The following AKAP13 variants were observed in gnomAD, a reference collection of about 807,000 sequenced individuals.
The protein encoded by AKAP13 is A-kinase anchor protein 13.
A neutral mutation model predicts 264.5 loss-of-function variants in AKAP13; 80 were observed. The observed-to-expected ratio is 0.30, with a 90% CI of 0.25 to 0.36. AKAP13 has a LOEUF of 0.36. AKAP13 is among the 10% of genes least tolerant of loss of function. AKAP13 has a pLI of 1.00. For synonymous variants in AKAP13, 1,380 were observed against 1,250.2 expected, an observed-to-expected ratio of 1.10 and a Z score of -2.19; for missense variants, 3,712 against 3,435.2, an observed-to-expected ratio of 1.08 and a Z score of -2.01.
chr15:85,562,904 G>C (rs1596538622), intron 5 of AKAP13, among the ~76,000 whole-genome samples: 2 of 148,970 alleles, frequency 1.3e-5, no homozygotes, highest in East Asian at 4.0e-4. Context: ...AGTAGAGATA[G>C]GGTTTCACCA....
intron 1 of AKAP13, among the ~76,000 whole-genome samples, chr15:85,398,297 T>G (rs1212490655): frequency 6.6e-6 from 1 of 152,222 alleles, no homozygotes; most frequent in Non-Finnish European, 1.5e-5. Context: ...TTAATAAGTC[T>G]TATTTTTATT....
At chr15:85,460,917 C>G (rs1213627213) in intron 1 of AKAP13, among the ~76,000 whole-genome samples, 1 of 151,154 alleles carries the variant, frequency 6.6e-6, no homozygotes, top group African/African-American at 2.4e-5. Flanking sequence ...AGATCGATCT[C>G]AGATTTCTAA....
chr15:85,738,414 G>A (rs1035858206), intron 33 of AKAP13, among the ~76,000 whole-genome samples: 5 of 151,666 alleles, frequency 3.3e-5, no homozygotes, highest in African/African-American at 1.2e-4. Flanking sequence ...AAGAATAAGG[G>A]GTAAAAAATT....
chr15:85,620,859 A>G (rs1022747377), intron 8 of AKAP13, among the ~76,000 whole-genome samples: 3 of 152,184 alleles, frequency 2.0e-5, no homozygotes, highest in African/African-American at 7.2e-5. Context: ...TGCTCACAGA[A>G]GGCATCCTTG....
intron 8 of AKAP13, among the ~76,000 whole-genome samples, chr15:85,596,575 C>A (rs1485414539): frequency 6.6e-6 from 1 of 152,016 alleles, no homozygotes; most frequent in Non-Finnish European, 1.5e-5. Context: ...CAGAATGAGA[C>A]CCTGTCTCAA....
At chr15:85,433,018 CTT>C (rs2073093401) in intron 1 of AKAP13, among the ~76,000 whole-genome samples, 1 of 150,248 alleles carries the variant, frequency 6.7e-6, no homozygotes, top group Non-Finnish European at 1.5e-5. Flanking sequence ...GCTTTTTTCT[CTT>C]TCTTACATGG....
chr15:85,708,266 G>A lies in AKAP13; in HGVS notation c.5532+180G>A, dbSNP rs1186144542. ...CTCTTAAGCGATCAATCTTCTTCTT[G>A]AGTAACACTGGAGAATTAGACTTTC... is the stretch of plus-strand genomic sequence containing the variant. On this transcript the variant is annotated intron_variant, in intron 18 of 36. Transcript: ENST00000394518. The surrounding 1 kb of genome is among the most constrained non-coding windows in gnomAD (Gnocchi z 4.3). Among the ~76,000 whole-genome samples the A allele has an allele frequency of 6.6e-6, 1 of 152,152 alleles. No individual in the cohort carries two copies. Among genetic ancestry groups the A allele is most frequent in the Non-Finnish European group, 1.5e-5 (1 of 68,028 alleles).
At chr15:85,651,589 A>C (rs927328893) in intron 10 of AKAP13, 3 of 152,222 alleles carry the variant, frequency 2.0e-5, no homozygotes, top group African/African-American at 7.2e-5. Flanking sequence ...TCGTCTGTGC[A>C]TTGTTCCGAT....
rs1039552054 is a variant in AKAP13, at chr15:85,400,964, C to T, written c.-12+20166C>T. Among the ~76,000 whole-genome samples, 12 of 151,702 alleles carry T rather than the reference C, an allele frequency of 7.9e-5. No individual in the cohort carries two copies. In the East Asian group the frequency reaches 1.6e-3, roughly 20 times the overall value. The stretch of plus-strand genomic sequence containing the variant: ...GCAACCTCCGCCTCCCGGATTCAAG[C>T]GATTCTCCTGCCTCAACCTCCCAAG... On this transcript the variant is annotated intron_variant, in intron 1 of 36. Coordinates refer to ENST00000394518, the MANE Select transcript of AKAP13 (RefSeq NM_007200.5).
intron 2 of AKAP13, among the ~76,000 whole-genome samples, chr15:85,511,615 A>G (rs1315198125): frequency 6.6e-6 from 1 of 151,968 alleles, no homozygotes; most frequent in Admixed American, 6.6e-5. Context: ...GTCACTTGTC[A>G]TATTTCATCA....
chr15:85,454,819 A>C (rs1414693978), intron 1 of AKAP13, among the ~76,000 whole-genome samples: 1 of 152,156 alleles, frequency 6.6e-6, no homozygotes, highest in Non-Finnish European at 1.5e-5. Flanking sequence ...ATCTTGACCC[A>C]AATTTCGTAA....
At chr15:85,590,284 T>C (rs2079532991) in intron 8 of AKAP13, among the ~76,000 whole-genome samples, 1 of 152,244 alleles carries the variant, frequency 6.6e-6, no homozygotes, top group Admixed American at 6.5e-5. Context: ...TTTAAATTCT[T>C]ATGGAAGTTT....
At chr15:85,557,890 C>G (rs1459295419) in intron 5 of AKAP13, among the ~76,000 whole-genome samples, 1 of 152,172 alleles carries the variant, frequency 6.6e-6, no homozygotes, top group African/African-American at 2.4e-5. Context: ...AATACTCTTG[C>G]TATTGTTCAG....
At chr15:85,693,089 A>C in intron 16 of AKAP13, 188 bp from the exon 17 acceptor site, 2 of 1,016,744 alleles carry the variant, frequency 2.0e-6, no homozygotes, top group Non-Finnish European at 2.7e-6. Flanking sequence ...TGAATTTTCT[A>C]ATGTAGCTTG....
At position 85,723,180 on chromosome 15, in the gene AKAP13, A is replaced by G. The variant is rs147012053; in HGVS notation, c.6605A>G (p.Asn2202Ser). ...VASYEKKVRL[N>S]EIYTKTDSKS... ...AGTTATGAAAAGAAAGTGCGTCTCA[A>G]TGAGATTTATACAAAGACAGATAGC... The change falls in exon 26 of 37, where the codon AAT (asparagine) becomes AGT (serine). Residue 2202 changes from asparagine (N) to serine (S), a missense_variant. Transcript: ENST00000394518. The G allele has an allele frequency of 2.3e-5, 37 of 1,614,138 alleles. No individual in the cohort carries two copies. The highest frequency in any genetic ancestry group is 1.7e-4 in the Admixed American group (10 of 60,016).
intron 3 of AKAP13, among the ~76,000 whole-genome samples, chr15:85,527,400 A>AG (rs1329208985): frequency 2.0e-5 from 3 of 152,376 alleles, no homozygotes; most frequent in Non-Finnish European, 2.9e-5. Flanking sequence ...GACCAAAAAA[A>AG]ACTTACAGTG....
rs2080990167 is a variant in AKAP13, at chr15:85,617,437, G to C, written c.4162-21937G>C. Among the ~76,000 whole-genome samples the C allele has an allele frequency of 4.6e-5, 7 of 152,260 alleles. No homozygotes were observed. In the South Asian group the frequency reaches 1.5e-3, roughly 32 times the overall value. The stretch of plus-strand genomic sequence containing the variant: ...TTTTGTATTTTTAGTAGAGATGGGG[G>C]TTTCGCCATGTTGGCCACGATCTGG... On this transcript the variant is annotated intron_variant, in intron 8 of 36. Transcript: ENST00000394518.
chr15:85,402,910 A>G (rs1441424005), intron 1 of AKAP13, among the ~76,000 whole-genome samples: 1 of 152,182 alleles, frequency 6.6e-6, no homozygotes, highest in Non-Finnish European at 1.5e-5. Context: ...AAGTTACAGG[A>G]GTTTTGTAGC....
intron 1 of AKAP13, among the ~76,000 whole-genome samples, chr15:85,433,245 T>C (rs1596151062): frequency 6.6e-6 from 1 of 151,996 alleles, no homozygotes; most frequent in East Asian, 1.9e-4. Context: ...AAAACAACTT[T>C]TCCTCTCAAT....
Sources: gnomAD v4.1 joint callset for allele counts (sites outside exome capture counted in the v4.1 genomes callset) on GRCh38, gnomAD v4.1.1 for gene constraint, Gnocchi (gnomAD v3.1) non-coding constraint, MANE v1.5 for transcripts, NCBI Gene and HGNC (gene_info 2026-07-23, HGNC 2026-07-21) for gene names.